ADPRHL1: variants seen among roughly 807,000 people sequenced by gnomAD.
The protein encoded by ADPRHL1 is inactive ADP-ribosyltransferase ARH2.
In ADPRHL1, 43 loss-of-function variants were observed where a neutral mutation model predicts 44.1. That is an observed-to-expected ratio of 0.98 (90% CI 0.76 to 1.26). ADPRHL1 has a LOEUF of 1.26. Ranked by LOEUF, ADPRHL1 falls within the 50% of genes most tolerant of loss-of-function variation. ADPRHL1 has a pLI of 0.00. For missense variants in ADPRHL1, 2,022 were observed against 2,496.9 expected (o/e 0.81, Z 4.05); for synonymous variants, 878 against 1,017.4 (o/e 0.86, Z 2.61).
At chr13:113,451,434 C>G (rs564890526) in intron 1 of ADPRHL1, among the ~76,000 whole-genome samples, 4 of 152,206 alleles carry the variant, frequency 2.6e-5, no homozygotes, top group Admixed American at 1.3e-4. Context: ...GACCCACAAA[C>G]TAGACGCTGC....
At chr13:113,432,423 T>C (rs2044013610) in intron 3 of ADPRHL1, among the ~76,000 whole-genome samples, 1 of 152,234 alleles carries the variant, frequency 6.6e-6, no homozygotes, top group Non-Finnish European at 1.5e-5. Flanking sequence ...ACCTGGCAAA[T>C]GCCCAACATT....
chr13:113,423,076 A>C, intron 6 of ADPRHL1, 97 bp from the exon 7 acceptor site: 1 of 1,524,634 alleles, frequency 6.6e-7, no homozygotes, highest in South Asian at 1.2e-5. Flanking sequence ...CCAAACCCCA[A>C]TTCTGCTGGG....
intron 2 of ADPRHL1, among the ~76,000 whole-genome samples, chr13:113,436,435 C>T (rs1433156843): frequency 4.6e-3 from 16 of 3,476 alleles, no homozygotes; most frequent in Admixed American, 4.5e-3. Flanking sequence ...AGGTGTACCC[C>T]GGGACCCGGC....
intron 1 of ADPRHL1, among the ~76,000 whole-genome samples, chr13:113,446,313 C>T (rs942301186): frequency 6.6e-6 from 1 of 150,646 alleles, no homozygotes; most frequent in Non-Finnish European, 1.5e-5. Context: ...CTCAGGGCCC[C>T]ATGGCTGTGA....
At chr13:113,416,890 C>A (rs1036028708) in intron 7 of ADPRHL1, among the ~76,000 whole-genome samples, 1 of 152,138 alleles carries the variant, frequency 6.6e-6, no homozygotes, top group Admixed American at 6.6e-5. Context: ...ATTGTGTGTG[C>A]GTGCTCATAT....
At chr13:113,424,431 C>T in intron 5 of ADPRHL1, 82 bp from the exon 6 acceptor site, 1 of 1,567,650 alleles carries the variant, frequency 6.4e-7, no homozygotes, top group Non-Finnish European at 8.7e-7. Context: ...TTCTGGGCCC[C>T]TCCTAGTGAA....
chr13:113,444,433 T>A lies in ADPRHL1; in HGVS notation c.371A>T (p.Asn124Ile). 1 of 1,613,936 alleles carries A rather than the reference T, an allele frequency of 6.2e-7. No individual in the cohort carries two copies. The highest frequency in any genetic ancestry group is 8.5e-7 in the Non-Finnish European group (1 of 1,179,796). ...GAGAGGATTTCCCTGACCTTTTTCA[T>A]TGAACGGTGTGTGCCAGGCGAGAAG... ...NYLLAWHTPF[N>I]EKGSGFGAAT... Residue 124 changes from asparagine to isoleucine, a missense_variant, in exon 2 of 8, where the codon AAT becomes ATT. Asn to Ile is a moderately radical substitution (Grantham distance 149, BLOSUM62 -3). Coordinates refer to ENST00000612156, the MANE Select transcript of ADPRHL1 (RefSeq NM_001394807.1).
intron 1 of ADPRHL1, among the ~76,000 whole-genome samples, chr13:113,449,937 C>A (rs2044168126): frequency 1.3e-5 from 2 of 152,168 alleles, no homozygotes; most frequent in Non-Finnish European, 2.9e-5. Flanking sequence ...TGGGCAAGCG[C>A]CTGAACCTCT....
At chr13:113,433,647 C>A in intron 3 of ADPRHL1, 95 bp downstream of exon 3, 2 of 1,436,346 alleles carry the variant, frequency 1.4e-6, no homozygotes, top group Non-Finnish European at 9.2e-7. Context: ...GCTCCAGGCC[C>A]CCGCCCCCCA....
chr13:113,424,500 G>A, intron 5 of ADPRHL1, 151 bp from the exon 6 acceptor site: 1 of 1,098,310 alleles, frequency 9.1e-7, no homozygotes, highest in Non-Finnish European at 1.3e-6. Context: ...TGTCCCCCAG[G>A]TTGGAGTGCA....
Position 113,428,978 on chromosome 13 carries a change from C to T in ADPRHL1, c.620G>A (p.Cys207Tyr). Residue 207 changes from cysteine to tyrosine, a missense_variant, in exon 4 of 8, where the codon TGC becomes TAC. Cys to Tyr is a radical substitution (Grantham distance 194). Coordinates refer to ENST00000612156, the MANE Select transcript of ADPRHL1 (RefSeq NM_001394807.1). ...LRAVPLAEEY[C>Y]RKTIRHTAEY... ...TGCCGTGTGCCGGATGGTCTTCCTGCAGTACTCTTCTGCCAGAGGCACCGC... is the reference window on the plus strand; with the variant it reads ...TGCCGTGTGCCGGATGGTCTTCCTGTAGTACTCTTCTGCCAGAGGCACCGC... 1 of 1,612,774 alleles carries T rather than the reference C, an allele frequency of 6.2e-7. No homozygotes were observed.
intron 7 of ADPRHL1, among the ~76,000 whole-genome samples, chr13:113,419,880 G>A (rs1461564625): frequency 6.6e-6 from 1 of 152,222 alleles, no homozygotes; most frequent in Non-Finnish European, 1.5e-5. Flanking sequence ...ACATGCAGGT[G>A]TGTCTCACAT....
At chr13:113,414,776 A>T (rs2139606639) in intron 7 of ADPRHL1, among the ~76,000 whole-genome samples, 1 of 151,572 alleles carries the variant, frequency 6.6e-6, no homozygotes, top group East Asian at 2.0e-4. Flanking sequence ...CCCGGGTTCA[A>T]GCCATTCTCC....
rs1437456694 is a variant in ADPRHL1, at chr13:113,424,295, G to C, written c.829C>G (p.Pro277Ala). Residue 277 changes from proline to alanine, a missense_variant, in exon 6 of 8, where the codon CCC becomes GCC. Transcript: ENST00000612156. ...GRGGRRGHDA[P>A]MIAYDALLAA... is the part of the protein sequence containing the mutation. The stretch of plus-strand genomic sequence containing the variant: ...AGGAGGGCGTCATAGGCTATCATGG[G>C]GGCATCGTGGCCTCGTCTTCCCCCT... 1.9e-6 allele frequency: 3 copies of C among 1,612,892 alleles called. No homozygotes were observed. The highest frequency in any genetic ancestry group is 2.5e-6 in the Non-Finnish European group (3 of 1,179,928).
intron 1 of ADPRHL1, among the ~76,000 whole-genome samples, chr13:113,445,545 C>A (rs1022910277): frequency 6.6e-6 from 1 of 152,214 alleles, no homozygotes; most frequent in South Asian, 2.1e-4. Context: ...TCTGGGCTTG[C>A]GGGTCAGCCC....
Position 113,407,411 on chromosome 13 carries a change from G to A in ADPRHL1, c.1871C>T (p.Ala624Val). 2 of 1,231,918 alleles carry A rather than the reference G, an allele frequency of 1.6e-6. No individual in the cohort carries two copies. The highest frequency in any genetic ancestry group is 1.5e-5 in the African/African-American group (1 of 64,546). 76.3% of individuals were successfully genotyped at this position (1,231,918 alleles called of 1,614,324 possible). ...GCTCCTGGGGCCACAGACGACGGTG[G>A]CGATGCTGAGGGCCGGCAGGGGCTC... ...TAEPLPALSI[A>V]TVVCGPRSWL... The change falls in exon 8 of 8, where the codon GCC becomes GTC. Residue 624 changes from alanine to valine, a missense_variant. By Grantham distance (64) the Ala-to-Val change is moderately conservative. Coordinates refer to ENST00000612156, the MANE Select transcript of ADPRHL1 (RefSeq NM_001394807.1).
At position 113,403,637 on chromosome 13, in the gene ADPRHL1, C is replaced by T. The variant is rs1239593704; in HGVS notation, c.5645G>A (p.Gly1882Glu). The T allele has an allele frequency of 4.8e-5, 59 of 1,231,674 alleles. No homozygotes were observed. The highest frequency in any genetic ancestry group is 5.7e-5 in the Non-Finnish European group (56 of 987,968). The allele number at this position is 1,231,674 out of a possible 1,614,324, so 76.3% of individuals were successfully genotyped here. A position where few individuals can be genotyped will look rare whatever the true frequency, so the allele number is the denominator to read the frequency against. ...KSIATSPLGLGKSPTEPKPEA... is the reference protein window; with the variant it reads ...KSIATSPLGLEKSPTEPKPEA... ...AGGCTTGGGCTCAGTTGGGCTCTTT[C>T]CCAGCCCCAGGGGAGAGGTGGCAAT... The change falls in exon 8 of 8, where the codon GGA becomes GAA. Residue 1882 changes from glycine to glutamate, a missense_variant. This residue lies in a region of ADPRHL1 where 205 missense variants were observed against 250.1 expected (regional missense o/e 0.82). Coordinates refer to ENST00000612156, the MANE Select transcript of ADPRHL1 (RefSeq NM_001394807.1).
rs2043807026 is a variant in ADPRHL1 at position 113,406,170 on chromosome 13, C to G, written c.3112G>C (p.Ala1038Pro). The change falls in exon 8 of 8, where the codon GCC becomes CCC. Residue 1038 changes from alanine (A) to proline (P), a missense_variant. By Grantham distance (27) the Ala-to-Pro change is conservative. Transcript: ENST00000612156. Reference sequence around the variant, plus strand: ...GATGATGCCGCCAGTGACGTGGGGGCTCCTGTTGGGTTTCTCCCAGTCGGG... The same window carrying G: ...GATGATGCCGCCAGTGACGTGGGGGGTCCTGTTGGGTTTCTCCCAGTCGGG... Reference protein sequence around the residue: ...PSPTGRNPTGAPTSLAASSKG... With the variant: ...PSPTGRNPTGPPTSLAASSKG... 8.1e-7 allele frequency: 1 copy of G among 1,232,046 alleles called. No individual in the cohort carries two copies. The highest frequency in any genetic ancestry group is 1.0e-6 in the Non-Finnish European group (1 of 988,006). 76.3% of individuals were successfully genotyped at this position (1,232,046 alleles called of 1,614,324 possible).
In ADPRHL1 at chr13:113,403,625, G is replaced by T. The variant is rs1363598872; in HGVS notation, c.5657C>A (p.Thr1886Asn). Reference sequence around the variant, plus strand: ...GCCCCCAGCCTCAGGCTTGGGCTCAGTTGGGCTCTTTCCCAGCCCCAGGGG... The same window carrying T: ...GCCCCCAGCCTCAGGCTTGGGCTCATTTGGGCTCTTTCCCAGCCCCAGGGG... ...TSPLGLGKSP[T>N]EPKPEAGGCG... is the part of the protein sequence containing the mutation. Residue 1886 changes from threonine to asparagine, a missense_variant, in exon 8 of 8, where the codon ACT becomes AAT. Transcript: ENST00000612156. 2 of 1,231,596 alleles carry T rather than the reference G, an allele frequency of 1.6e-6. No individual in the cohort carries two copies. Among genetic ancestry groups the T allele is most frequent in the East Asian group, 6.3e-5 (2 of 31,652 alleles). 76.3% of individuals were successfully genotyped at this position (1,231,596 alleles called of 1,614,324 possible).
Sources: gnomAD v4.1 joint callset for allele counts (sites outside exome capture counted in the v4.1 genomes callset) on GRCh38, gnomAD v4.1.1 for gene constraint, gnomAD v4.1.1 regional missense constraint, MANE v1.5 for transcripts, NCBI Gene and HGNC (gene_info 2026-07-23, HGNC 2026-07-21) for gene names.